Variants in MYOM2 observed in about 807,000 individuals in gnomAD.
MYOM2 encodes myomesin 2.
A neutral mutation model predicts 187.6 loss-of-function variants in MYOM2; 254 were observed. The ratio of observed to expected loss-of-function variants is 1.35; its 90% CI spans 1.22 to 1.50. The LOEUF (loss-of-function observed/expected upper bound fraction) is 1.50. MYOM2 is among the 40% of genes most tolerant of loss of function. MYOM2 has a pLI of 0.00. For missense variants in MYOM2, 2,796 were observed against 1,924.0 expected (o/e 1.45, Z -8.48); for synonymous variants, 981 against 753.8 (o/e 1.30, Z -4.94).
Position 2,137,390 on chromosome 8 carries a change from C to T in MYOM2, c.3801-3333C>T, listed in dbSNP as rs373755961. Among the ~76,000 whole-genome samples, 654 of 151,934 alleles carry T rather than the reference C, an allele frequency of 4.3e-3. 7 individuals are homozygous for T. Among genetic ancestry groups the T allele is most frequent in the African/African-American group, 0.015 (638 of 41,428 alleles). On this transcript the variant is annotated intron_variant, in intron 32 of 36. Coordinates refer to ENST00000262113, the MANE Select transcript of MYOM2 (RefSeq NM_003970.4). ...CAAAAATCGTCCCCTTCTTCGCAAG[C>T]GGGGAGCTCATCACAAATCCCCAAG...
At chr8:2,133,964 C>G (rs924316304) in intron 32 of MYOM2, among the ~76,000 whole-genome samples, 3 of 150,988 alleles carry the variant, frequency 2.0e-5, no homozygotes, top group African/African-American at 7.3e-5. Context: ...CTGAGGTTAA[C>G]GTCTTCTGTA....
rs183669323 is a variant in MYOM2, at chr8:2,058,075, A to T, written c.560+295A>T. On this transcript the variant is annotated intron_variant, in intron 5 of 36. Coordinates refer to ENST00000262113, the MANE Select transcript of MYOM2 (RefSeq NM_003970.4). ...GCTCTGTTGCCCAGGCTGGAGTGTGATGGTGTGATCTCAGCTCAGTGCAAT... is the reference window on the plus strand; with the variant it reads ...GCTCTGTTGCCCAGGCTGGAGTGTGTTGGTGTGATCTCAGCTCAGTGCAAT... 1.2e-3 allele frequency among the ~76,000 whole-genome samples: 139 copies of T among 119,208 alleles called. 1 individual carries two copies. Among genetic ancestry groups the T allele is most frequent in the African/African-American group, 4.2e-3 (131 of 30,894 alleles). The allele number at this position is 119,208 out of a possible 152,430, so 78.2% of individuals were successfully genotyped here. A position where few individuals can be genotyped will look rare whatever the true frequency, so the allele number is the denominator to read the frequency against.
chr8:2,125,226 T>C (rs1797595231), intron 31 of MYOM2, among the ~76,000 whole-genome samples: 1 of 152,208 alleles, frequency 6.6e-6, no homozygotes, highest in South Asian at 2.1e-4. Flanking sequence ...TTTCAGGTCT[T>C]ATGTTTAAGT....
At chr8:2,092,259 T>C in intron 15 of MYOM2, 87 bp from the exon 16 acceptor site, 1 of 1,476,728 alleles carries the variant, frequency 6.8e-7, no homozygotes, top group Non-Finnish European at 9.3e-7. Context: ...GGCTGTCCAG[T>C]TCCCTGTGAA....
chr8:2,089,393 T>C (rs1014590276), intron 14 of MYOM2, among the ~76,000 whole-genome samples: 1 of 152,226 alleles, frequency 6.6e-6, no homozygotes, highest in African/African-American at 2.4e-5. Flanking sequence ...TTTTTCTCCA[T>C]AGATTTTAAT....
Position 2,073,424 on chromosome 8 carries a change from C to A in MYOM2, c.1044C>A (p.Asp348Glu), listed in dbSNP as rs140772856. ...TGTCCTTCAGCCACCTGCACAAGGA[C>A]GACGAGGGCCTGTACACCCTGCGCA... ...ASLSFSHLHK[D>E]DEGLYTLRIV... The change falls in exon 10 of 37, where the codon GAC (aspartate) becomes GAA (glutamate). Residue 348 changes from aspartate (D) to glutamate (E), a missense_variant. By Grantham distance (45) the Asp-to-Glu change is conservative (BLOSUM62 2). Coordinates refer to ENST00000262113, the MANE Select transcript of MYOM2 (RefSeq NM_003970.4). 6.2e-7 allele frequency: 1 copy of A among 1,612,990 alleles called. No homozygotes were observed. The highest frequency in any genetic ancestry group is 8.5e-7 in the Non-Finnish European group (1 of 1,179,814).
intron 1 of MYOM2, among the ~76,000 whole-genome samples, chr8:2,048,726 A>G (rs934060116): frequency 2.0e-5 from 3 of 152,138 alleles, no homozygotes; most frequent in African/African-American, 7.2e-5. Flanking sequence ...ACTGCCTTCA[A>G]TATCAGGGCG....
intron 28 of MYOM2, chr8:2,119,545 C>T (rs12156403): frequency 6.5e-6 from 1 of 152,878 alleles, no homozygotes; most frequent in East Asian, 1.9e-4. Flanking sequence ...TCCAACCCCA[C>T]TCCCTGGCAA....
At chr8:2,100,089 C>T (rs1354545446) in intron 19 of MYOM2, among the ~76,000 whole-genome samples, 5 of 56,574 alleles carry the variant, frequency 8.8e-5, no homozygotes, top group Admixed American at 3.9e-4. Flanking sequence ...TTCTTCTTTC[C>T]TTCCTTCCTT....
intron 32 of MYOM2, among the ~76,000 whole-genome samples, chr8:2,140,036 C>G (rs1197810615): frequency 6.6e-6 from 1 of 152,122 alleles, no homozygotes; most frequent in Non-Finnish European, 1.5e-5. Context: ...ATCCTCCCAC[C>G]CGAAACTCTG....
chr8:2,143,217 C>T (rs1272412549), intron 35 of MYOM2, 184 bp from the exon 36 acceptor site: 3 of 680,948 alleles, frequency 4.4e-6, no homozygotes, highest in Non-Finnish European at 7.9e-6. Context: ...CCTCATCTAC[C>T]TTCCCTTGGC....
chr8:2,074,511 G>A (rs10094331), intron 10 of MYOM2, among the ~76,000 whole-genome samples: 225 of 152,198 alleles, frequency 1.5e-3, no homozygotes, highest in African/African-American at 5.3e-3. Flanking sequence ...CTGGAGTGCA[G>A]TGGCGCGACC....
intron 14 of MYOM2, among the ~76,000 whole-genome samples, chr8:2,087,200 G>A (rs766794330): frequency 6.6e-5 from 10 of 152,236 alleles, no homozygotes; most frequent in Middle Eastern, 3.4e-3. Context: ...AGGGTTTTGC[G>A]ATACAAAATT....
chr8:2,108,002 A>G (rs919863917), intron 23 of MYOM2, among the ~76,000 whole-genome samples: 3 of 152,264 alleles, frequency 2.0e-5, no homozygotes, highest in Non-Finnish European at 4.4e-5. Context: ...AATTCCTACC[A>G]GAAGGTTGAA....
intron 32 of MYOM2, among the ~76,000 whole-genome samples, chr8:2,139,329 C>G (rs1027267435): frequency 3.3e-5 from 5 of 152,108 alleles, no homozygotes; most frequent in Admixed American, 2.6e-4. Flanking sequence ...TTTGTTGAGA[C>G]AGGGTCTTGC....
In MYOM2 at chr8:2,050,842, C is replaced by A. The variant is rs149935963; in HGVS notation, c.76C>A (p.Arg26=). 6.2e-7 allele frequency: 1 copy of A among 1,612,552 alleles called. No individual in the cohort carries two copies. Among genetic ancestry groups the A allele is most frequent in the Admixed American group, 1.7e-5 (1 of 59,996 alleles). The change falls in exon 2 of 37, where the codon CGG becomes AGG. Residue 26 remains arginine (R), a synonymous_variant. Transcript: ENST00000262113. ...FDQSYRNIQT[R]YLLDEYASKK... ...CCAGTCCTACCGTAATATTCAAACA[C>A]GGTACCTGCTGGACGAATATGCGTC...
intron 8 of MYOM2, among the ~76,000 whole-genome samples, chr8:2,071,390 A>G (rs989605302): frequency 6.6e-6 from 1 of 152,072 alleles, no homozygotes; most frequent in African/African-American, 2.4e-5. Context: ...TTTTCCTGAC[A>G]TGTATGTACT....
rs574226433 is a variant in MYOM2, at chr8:2,066,939, C to T, written c.654-2339C>T. 2.0e-5 allele frequency among the ~76,000 whole-genome samples: 3 copies of T among 152,304 alleles called. No individual in the cohort carries two copies. The East Asian group carries it at 5.8e-4, about 29-fold the overall frequency. ...TGGCTTTGTAGTTCGGCTTGTATTC[C>T]TCCACGGTGAACTAGAAGATAATGT... is the stretch of plus-strand genomic sequence containing the variant. On this transcript the variant is annotated intron_variant, in intron 6 of 36. Transcript: ENST00000262113.
In MYOM2 at chr8:2,087,283, T is replaced by A. The variant is rs1216712574; in HGVS notation, c.1644+1893T>A. 2.6e-5 allele frequency among the ~76,000 whole-genome samples: 4 copies of A among 152,190 alleles called. No individual in the cohort carries two copies. In the East Asian group the frequency reaches 7.7e-4, roughly 29 times the overall value. On this transcript the variant is annotated intron_variant, in intron 14 of 36. Coordinates refer to ENST00000262113, the MANE Select transcript of MYOM2 (RefSeq NM_003970.4). ...ATAACATATAGAAGCTTATGCCACC[T>A]AATACAATAATCGCATCTAGCACCA...
Sources: gnomAD v4.1 joint callset for allele counts (sites outside exome capture counted in the v4.1 genomes callset) on GRCh38, gnomAD v4.1.1 for gene constraint, MANE v1.5 for transcripts, NCBI Gene and HGNC (gene_info 2026-07-23, HGNC 2026-07-21) for gene names.